Variants in ERBB4 observed in about 807,000 individuals in gnomAD.
ERBB4 encodes receptor tyrosine-protein kinase erbB-4.
ERBB4 carries 42 observed loss-of-function variants against 158.0 expected under a neutral mutation model. That is an observed-to-expected ratio of 0.27 (90% confidence interval 0.21 to 0.34). ERBB4 has a LOEUF of 0.34. Ranked by LOEUF, ERBB4 falls within the 10% of genes least tolerant of loss-of-function variation. The pLI is 1.00. For missense variants in ERBB4, 1,333 were observed against 1,624.1 expected (o/e 0.82, Z 3.08); for synonymous variants, 583 against 558.7 (o/e 1.04, Z -0.61).
At chr2:211,870,869 A>C (rs2078326550) in intron 3 of ERBB4, among the ~76,000 whole-genome samples, 1 of 152,118 alleles carries the variant, frequency 6.6e-6, no homozygotes, top group Non-Finnish European at 1.5e-5. Flanking sequence ...CTGATTTCTC[A>C]TTTTCAGTAT....
chr2:211,392,592 ACACACACACC>A lies in ERBB4; in HGVS notation c.3136-4610_3136-4601del, dbSNP rs1236323973. Among the ~76,000 whole-genome samples the A allele has an allele frequency of 6.2e-4, 90 of 144,904 alleles. No homozygotes were observed. The East Asian group carries it at 8.4e-3, about 13-fold the overall frequency. On this transcript the variant is annotated intron_variant, in intron 25 of 27. Coordinates refer to ENST00000342788, the MANE Select transcript of ERBB4 (RefSeq NM_005235.3). The stretch of plus-strand genomic sequence containing the variant: ...CACACACACACACACACACACACAC[ACACACACACC>A]CCAATAATGACTCTATGATCCAGTT...
At chr2:212,399,770 T>A (rs2106459644) in intron 1 of ERBB4, among the ~76,000 whole-genome samples, 1 of 149,328 alleles carries the variant, frequency 6.7e-6, no homozygotes, top group Non-Finnish European at 1.5e-5. Context: ...TCCCAGCTGC[T>A]CAGGAGGCTG....
At chr2:212,101,374 T>C (rs1287621415) in intron 2 of ERBB4, among the ~76,000 whole-genome samples, 1 of 149,892 alleles carries the variant, frequency 6.7e-6, no homozygotes, top group Non-Finnish European at 1.5e-5. Context: ...TATGTATATG[T>C]ATTTCAAACT....
chr2:211,614,893 A>C (rs1439846859), intron 19 of ERBB4, among the ~76,000 whole-genome samples: 1 of 152,098 alleles, frequency 6.6e-6, no homozygotes, highest in African/African-American at 2.4e-5. Context: ...TGTAAGATAA[A>C]TAAAATTTCC....
At chr2:211,688,661 A>G (rs981879960) in intron 12 of ERBB4, among the ~76,000 whole-genome samples, 2 of 152,196 alleles carry the variant, frequency 1.3e-5, no homozygotes, top group Non-Finnish European at 2.9e-5. Flanking sequence ...AAGTGGGATT[A>G]CTTGCTGTTT....
At chr2:212,200,115 A>T (rs910309669) in intron 1 of ERBB4, among the ~76,000 whole-genome samples, 3 of 152,182 alleles carry the variant, frequency 2.0e-5, no homozygotes, top group African/African-American at 7.2e-5. Context: ...ATTTCATCTC[A>T]CAAATCAGTA....
intron 1 of ERBB4, among the ~76,000 whole-genome samples, chr2:212,341,401 C>T (rs1057162191): frequency 6.6e-6 from 1 of 151,782 alleles, no homozygotes; most frequent in Non-Finnish European, 1.5e-5. Flanking sequence ...ATAGGTATAG[C>T]CCCTACAGTG....
intron 25 of ERBB4, among the ~76,000 whole-genome samples, chr2:211,401,405 C>T (rs1050711879): frequency 6.6e-6 from 1 of 151,860 alleles, no homozygotes; most frequent in African/African-American, 2.4e-5. Context: ...TTCTACTGAA[C>T]ACTTGAAAGC....
Position 212,373,829 on chromosome 2 carries a change from ATATATATATCCATGTATATATCCATG to A in ERBB4, c.82+164594_82+164619del, listed in dbSNP as rs1560145722. ...TATATATCCATGTATATATCCATAT[ATATATATATCCATGTATATATCCATG>A]TATATATCCATATATATATATCCAT... On this transcript the variant is annotated intron_variant, in intron 1 of 27. Transcript: ENST00000342788. 1.4e-4 allele frequency among the ~76,000 whole-genome samples: 12 copies of A among 88,632 alleles called. 2 individuals carry two copies. The highest frequency in any genetic ancestry group is 2.5e-4 in the Non-Finnish European group (10 of 40,316). The allele number at this position is 88,632 out of a possible 152,430, so 58.1% of individuals were successfully genotyped here. A position where few individuals can be genotyped will look rare whatever the true frequency, so the allele number is the denominator to read the frequency against.
chr2:212,067,959 T>C (rs994621240), intron 2 of ERBB4, among the ~76,000 whole-genome samples: 6 of 152,060 alleles, frequency 3.9e-5, no homozygotes, highest in African/African-American at 1.2e-4. Flanking sequence ...CATTGGGTAC[T>C]ATATAGACTT....
intron 1 of ERBB4, among the ~76,000 whole-genome samples, chr2:212,225,020 C>A (rs990653984): frequency 2.0e-5 from 3 of 151,928 alleles, no homozygotes; most frequent in Non-Finnish European, 2.9e-5. Context: ...TTTTCCTGAA[C>A]CATTTTTTAT....
intron 4 of ERBB4, among the ~76,000 whole-genome samples, chr2:211,771,969 AC>A (rs2075702151): frequency 6.6e-6 from 1 of 152,204 alleles, no homozygotes; most frequent in African/African-American, 2.4e-5. Context: ...AATAACCATT[AC>A]TAAATATTAA....
chr2:211,806,034 A>G (rs7422785), intron 3 of ERBB4, among the ~76,000 whole-genome samples: 1,988 of 152,236 alleles, frequency 0.013, 29 homozygotes, highest in Non-Finnish European at 0.019. Flanking sequence ...GAAAGAACAT[A>G]TAGAAGAATA....
chr2:212,260,430 A>G (rs895813113), intron 1 of ERBB4, among the ~76,000 whole-genome samples: 22 of 152,364 alleles, frequency 1.4e-4, no homozygotes, highest in Non-Finnish European at 2.9e-4. Context: ...CTACAAATTC[A>G]TAGAGGACAA....
intron 4 of ERBB4, among the ~76,000 whole-genome samples, chr2:211,756,591 A>T (rs1004436913): frequency 1.3e-5 from 2 of 152,192 alleles, no homozygotes; most frequent in Non-Finnish European, 2.9e-5. Context: ...TTTGACCTGT[A>T]GGGTAGAAAA....
At chr2:211,702,947 C>CT (rs1400707999) in intron 11 of ERBB4, among the ~76,000 whole-genome samples, 1 of 151,886 alleles carries the variant, frequency 6.6e-6, no homozygotes, top group Non-Finnish European at 1.5e-5. Flanking sequence ...TACTTATTTA[C>CT]TTTTTTTTAC....
intron 1 of ERBB4, among the ~76,000 whole-genome samples, chr2:212,503,065 C>T (rs978926361): frequency 3.3e-5 from 5 of 152,276 alleles, no homozygotes; most frequent in South Asian, 4.1e-4. Context: ...TCTTTTTCCC[C>T]CATTTGGCCT....
At chr2:211,560,925 C>T (rs1186127434) in intron 20 of ERBB4, among the ~76,000 whole-genome samples, 2 of 152,048 alleles carry the variant, frequency 1.3e-5, no homozygotes, top group Non-Finnish European at 2.9e-5. Flanking sequence ...AAGGCCAAAA[C>T]CACTATGTTA....
At chr2:212,441,326 G>T (rs1314994378) in intron 1 of ERBB4, among the ~76,000 whole-genome samples, 1 of 152,182 alleles carries the variant, frequency 6.6e-6, no homozygotes, top group African/African-American at 2.4e-5. Context: ...AACAGTGATA[G>T]CCTTCCTGCT....
Sources: allele counts gnomAD v4.1 joint callset (sites outside exome capture counted in the v4.1 genomes callset), GRCh38; gene constraint gnomAD v4.1.1; transcripts MANE v1.5; gene names NCBI Gene and HGNC (gene_info 2026-07-23, HGNC 2026-07-21).